The following DNAJC1 variants were observed in gnomAD, a reference collection of about 807,000 sequenced individuals.
The protein encoded by DNAJC1 is dnaJ homolog subfamily C member 1.
In DNAJC1, 58 loss-of-function variants were observed where a neutral mutation model predicts 76.6. That is an observed-to-expected ratio of 0.76 (90% CI 0.61 to 0.94). The LOEUF is 0.94. Ranked by LOEUF, DNAJC1 falls within the 40% of genes least tolerant of loss-of-function variation. The probability of loss-of-function intolerance (pLI) is 0.00; values close to 1 mark genes in which losing one functional copy is unlikely to be tolerated. For synonymous variants in DNAJC1, 258 were observed against 267.9 expected, an observed-to-expected ratio of 0.96 and a Z score of 0.36; for missense variants, 689 against 677.3, an observed-to-expected ratio of 1.02 and a Z score of -0.19.
chr10:21,875,212 G>A (rs1331027987), intron 8 of DNAJC1, among the ~76,000 whole-genome samples: 1 of 152,070 alleles, frequency 6.6e-6, no homozygotes, highest in Admixed American at 6.6e-5. Flanking sequence ...GTGGAGTACA[G>A]TGATGTGATC....
intron 7 of DNAJC1, among the ~76,000 whole-genome samples, chr10:21,883,295 C>CACACACACACACACA (rs1554893891): frequency 6.0e-5 from 9 of 149,842 alleles, no homozygotes; most frequent in South Asian, 2.1e-4. Flanking sequence ...CACACACACA[C>CACACACACACACACA]CATTTTAACT....
intron 8 of DNAJC1, 138 bp downstream of exon 8, chr10:21,882,144 A>T (rs1836291825): frequency 1.3e-6 from 1 of 799,948 alleles, no homozygotes; most frequent in Non-Finnish European, 1.8e-6. Context: ...ACAGAGCGAG[A>T]CTCTGTCTCA....
At chr10:21,942,504 A>G (rs1323455356) in intron 1 of DNAJC1, among the ~76,000 whole-genome samples, 2 of 152,120 alleles carry the variant, frequency 1.3e-5, no homozygotes, top group African/African-American at 4.8e-5. Flanking sequence ...AATATAAGAT[A>G]TATATAAGAT....
At chr10:21,889,272 CAAG>C (rs1836421574) in intron 7 of DNAJC1, among the ~76,000 whole-genome samples, 1 of 152,114 alleles carries the variant, frequency 6.6e-6, no homozygotes, top group African/African-American at 2.4e-5. Context: ...CTCACTGTCT[CAAG>C]AAGAGCACGA....
chr10:21,981,831 G>C (rs763120318), intron 1 of DNAJC1, among the ~76,000 whole-genome samples: 5 of 152,088 alleles, frequency 3.3e-5, no homozygotes, highest in South Asian at 4.2e-4. Context: ...CTCAACCTTT[G>C]AACTTCTATC....
chr10:21,976,894 C>T (rs1838075105), intron 1 of DNAJC1, among the ~76,000 whole-genome samples: 1 of 152,120 alleles, frequency 6.6e-6, no homozygotes, highest in Non-Finnish European at 1.5e-5. Flanking sequence ...CGCCGGCCCA[C>T]CCACTAGGCT....
At chr10:21,894,446 C>T (rs1456286684) in intron 7 of DNAJC1, among the ~76,000 whole-genome samples, 1 of 152,134 alleles carries the variant, frequency 6.6e-6, no homozygotes, top group Non-Finnish European at 1.5e-5. Context: ...TGGCAGGCAC[C>T]TGTAATCCCA....
intron 8 of DNAJC1, among the ~76,000 whole-genome samples, chr10:21,855,110 T>C (rs891862629): frequency 4.6e-5 from 7 of 152,152 alleles, no homozygotes; most frequent in African/African-American, 1.2e-4. Flanking sequence ...CTACCTCTAA[T>C]AGAATCTTAA....
chr10:21,967,766 C>T (rs1389388547), intron 1 of DNAJC1, among the ~76,000 whole-genome samples: 2 of 152,210 alleles, frequency 1.3e-5, no homozygotes, highest in East Asian at 3.9e-4. Flanking sequence ...TCTGCGGACT[C>T]GAGTTTTCAT....
chr10:21,810,583 C>T (rs1043220584), intron 8 of DNAJC1, among the ~76,000 whole-genome samples: 13 of 152,126 alleles, frequency 8.5e-5, no homozygotes, highest in African/African-American at 3.1e-4. Flanking sequence ...AACAAATTGC[C>T]TTTTTAAAAT....
chr10:21,928,592 A>G, intron 2 of DNAJC1, 40 bp from the exon 3 acceptor site: 2 of 1,533,288 alleles, frequency 1.3e-6, no homozygotes, highest in Non-Finnish European at 1.8e-6. Flanking sequence ...AATACTCTCA[A>G]CTATAAGAAA....
intron 9 of DNAJC1, among the ~76,000 whole-genome samples, chr10:21,770,528 A>C (rs1472022060): frequency 6.6e-6 from 1 of 151,184 alleles, no homozygotes; most frequent in African/African-American, 2.4e-5. Context: ...CTCACAAGTA[A>C]CTGGGACTAC....
intron 8 of DNAJC1, among the ~76,000 whole-genome samples, chr10:21,818,404 T>C (rs192984373): frequency 6.6e-6 from 1 of 152,350 alleles, no homozygotes; most frequent in East Asian, 1.9e-4. Flanking sequence ...CGAAACTTCA[T>C]TAGCAATTTT....
At chr10:21,982,837 C>T (rs996223141) in intron 1 of DNAJC1, among the ~76,000 whole-genome samples, 1 of 151,998 alleles carries the variant, frequency 6.6e-6, no homozygotes, top group Non-Finnish European at 1.5e-5. Context: ...TTTGGTGGTT[C>T]CTCAAAAAGT....
At chr10:21,874,834 C>T (rs564964841) in intron 8 of DNAJC1, among the ~76,000 whole-genome samples, 2 of 152,238 alleles carry the variant, frequency 1.3e-5, no homozygotes, top group South Asian at 4.1e-4. Flanking sequence ...CTATAGCACA[C>T]ATCATATTTA....
intron 1 of DNAJC1, among the ~76,000 whole-genome samples, chr10:21,969,764 GA>G (rs1391009170): frequency 2.0e-5 from 3 of 152,120 alleles, no homozygotes; most frequent in Non-Finnish European, 4.4e-5. Context: ...ATTACTCTAT[GA>G]TTCACTATAC....
chr10:21,903,286 A>T (rs779119280), intron 7 of DNAJC1, among the ~76,000 whole-genome samples: 4 of 152,190 alleles, frequency 2.6e-5, no homozygotes, highest in Non-Finnish European at 4.4e-5. Context: ...AAGGCTTAGA[A>T]ATTGTAATCT....
intron 1 of DNAJC1, among the ~76,000 whole-genome samples, chr10:21,962,942 GT>G (rs1470954038): frequency 1.3e-5 from 2 of 151,952 alleles, no homozygotes; most frequent in Non-Finnish European, 2.9e-5. Flanking sequence ...AAATAATATG[GT>G]TTAAACTGAT....
At chr10:21,979,457 T>C (rs1186763900) in intron 1 of DNAJC1, among the ~76,000 whole-genome samples, 1 of 152,088 alleles carries the variant, frequency 6.6e-6, no homozygotes, top group Non-Finnish European at 1.5e-5. Flanking sequence ...GGAGATTTAA[T>C]TGATTTTTTA....
Sources: gnomAD v4.1 joint callset for allele counts (sites outside exome capture counted in the v4.1 genomes callset) on GRCh38, gnomAD v4.1.1 for gene constraint, MANE v1.5 for transcripts, NCBI Gene and HGNC (gene_info 2026-07-23, HGNC 2026-07-21) for gene names.